The following HIRA variants were observed in gnomAD, a reference collection of about 807,000 sequenced individuals.
HIRA encodes histone cell cycle regulator.
A neutral mutation model predicts 126.6 loss-of-function variants in HIRA; 13 were observed. The ratio of observed to expected loss-of-function variants is 0.10; its 90% CI spans 0.07 to 0.16. The LOEUF (loss-of-function observed/expected upper bound fraction) is 0.16, where lower values mean the gene tolerates loss of function less well. Among genes scored for constraint, HIRA ranks in the 10% least tolerant of loss-of-function variants. The pLI is 1.00. For missense variants in HIRA, 834 were observed against 1,314.4 expected (o/e 0.63, Z 5.65); for synonymous variants, 511 against 520.0 (o/e 0.98, Z 0.24).
At chr22:19,369,039 G>A (rs1390863835) in intron 15 of HIRA, among the ~76,000 whole-genome samples, 1 of 152,162 alleles carries the variant, frequency 6.6e-6, no homozygotes, top group Non-Finnish European at 1.5e-5. Flanking sequence ...CAGGTAAATC[G>A]ATCTACAGCA....
intron 15 of HIRA, among the ~76,000 whole-genome samples, chr22:19,373,147 G>C (rs2088983460): frequency 6.6e-6 from 1 of 152,092 alleles, no homozygotes; most frequent in South Asian, 2.1e-4. Flanking sequence ...GAGTTTTATA[G>C]TTTTTGCTCT....
chr22:19,383,606 G>A lies in HIRA; in HGVS notation c.1415+14C>T, dbSNP rs577023378. On this transcript the variant is annotated intron_variant, in intron 13 of 24. Coordinates refer to ENST00000263208, the MANE Select transcript of HIRA (RefSeq NM_003325.4). ...CTCGCCAGATAAGACCATGAAAGGG[G>A]AATGAACCAGTACCCAGTGTCCAGC... 4.4e-6 allele frequency: 7 copies of A among 1,600,840 alleles called. No homozygotes were observed. In the African/African-American group the frequency reaches 5.3e-5, roughly 12 times the overall value.
intron 15 of HIRA, among the ~76,000 whole-genome samples, chr22:19,368,442 T>A (rs989824427): frequency 3.3e-5 from 5 of 152,138 alleles, no homozygotes; most frequent in South Asian, 4.2e-4. Flanking sequence ...TTTTTTTTTT[T>A]AAATGTCAGA....
intron 24 of HIRA, among the ~76,000 whole-genome samples, chr22:19,334,014 G>T (rs916920323): frequency 6.7e-6 from 1 of 149,654 alleles, no homozygotes; most frequent in African/African-American, 2.5e-5. Flanking sequence ...TCGATCTGTC[G>T]CCCAGGCTGG....
At chr22:19,405,100 T>A (rs1471216825) in intron 5 of HIRA, among the ~76,000 whole-genome samples, 2 of 152,192 alleles carry the variant, frequency 1.3e-5, no homozygotes, top group Non-Finnish European at 2.9e-5. Context: ...CCAGCCTCAC[T>A]TTGTGCTGCT....
At chr22:19,427,861 C>A (rs1038913942) in intron 1 of HIRA, among the ~76,000 whole-genome samples, 11 of 152,154 alleles carry the variant, frequency 7.2e-5, no homozygotes, top group African/African-American at 2.2e-4. Flanking sequence ...AACTTTAAAA[C>A]CAGAAACCTA....
At chr22:19,419,523 C>T (rs546548141) in intron 1 of HIRA, among the ~76,000 whole-genome samples, 18 of 152,322 alleles carry the variant, frequency 1.2e-4, no homozygotes, top group African/African-American at 3.4e-4. Flanking sequence ...CACAACAAAT[C>T]CCCTTAGTCC....
At chr22:19,417,386 G>A (rs192378079) in intron 1 of HIRA, among the ~76,000 whole-genome samples, 77 of 152,060 alleles carry the variant, frequency 5.1e-4, no homozygotes, top group African/African-American at 1.9e-3. Flanking sequence ...CACTTTGAGA[G>A]GCTAAGGTGG....
intron 5 of HIRA, among the ~76,000 whole-genome samples, chr22:19,400,391 AT>A (rs1394401700): frequency 1.3e-5 from 2 of 152,180 alleles, no homozygotes; most frequent in Non-Finnish European, 2.9e-5. Context: ...GGAAGAATCC[AT>A]TTTGATAAGC....
chr22:19,421,093 T>C (rs1211996567), intron 1 of HIRA, among the ~76,000 whole-genome samples: 1 of 150,532 alleles, frequency 6.6e-6, no homozygotes, highest in Non-Finnish European at 1.5e-5. Flanking sequence ...AGGTCAGGAG[T>C]TCAAAACCAG....
At chr22:19,340,202 C>G (rs868976717) in intron 24 of HIRA, among the ~76,000 whole-genome samples, 1 of 152,048 alleles carries the variant, frequency 6.6e-6, no homozygotes, top group African/African-American at 2.4e-5. Context: ...ACCAGGGATA[C>G]AGGGAAGACT....
chr22:19,426,475 G>A (rs1169868341), intron 1 of HIRA, among the ~76,000 whole-genome samples: 5 of 152,134 alleles, frequency 3.3e-5, no homozygotes, highest in East Asian at 1.9e-4. Flanking sequence ...TTCTAGTCAC[G>A]TCAAGGTTCA....
At chr22:19,415,720 T>C (rs1601856665) in intron 1 of HIRA, among the ~76,000 whole-genome samples, 1 of 151,804 alleles carries the variant, frequency 6.6e-6, no homozygotes, top group Non-Finnish European at 1.5e-5. Context: ...ACCCGGGAGG[T>C]GGAGGTTGCA....
chr22:19,351,333 C>A lies in HIRA; in HGVS notation c.2937+25G>T. The A allele has an allele frequency of 6.3e-7, 1 of 1,577,384 alleles. No homozygotes were observed. The highest frequency in any genetic ancestry group is 2.3e-5 in the East Asian group (1 of 44,332). On this transcript the variant is annotated intron_variant, in intron 24 of 24. Transcript: ENST00000263208. The surrounding 1 kb of genome is among the most constrained non-coding windows in gnomAD (Gnocchi z 4.8). ...TTCATGTTTCAAGAAAGAATTCTTG[C>A]AGCAACAATGAAAGAAGCACCTACC...
At chr22:19,377,847 A>G (rs765072679) in intron 14 of HIRA, 22 bp downstream of exon 14, 73 of 1,570,152 alleles carry the variant, frequency 4.6e-5, no homozygotes, top group Non-Finnish European at 6.2e-5. Context: ...AGGGACAGGA[A>G]CAAGCCTTGG....
intron 1 of HIRA, among the ~76,000 whole-genome samples, chr22:19,428,926 G>A (rs1328060113): frequency 6.6e-6 from 1 of 152,134 alleles, no homozygotes; most frequent in African/African-American, 2.4e-5. Flanking sequence ...CGGCTGAGCA[G>A]CCCCTGCTCC....
chr22:19,354,749 T>A (rs1369582141), intron 21 of HIRA, among the ~76,000 whole-genome samples: 1 of 151,776 alleles, frequency 6.6e-6, no homozygotes, highest in African/African-American at 2.4e-5. Flanking sequence ...ATTTTGCAAT[T>A]TGGGGGAGCA....
intron 24 of HIRA, among the ~76,000 whole-genome samples, chr22:19,332,855 A>G (rs782003866): frequency 2.0e-4 from 30 of 152,114 alleles, no homozygotes; most frequent in Non-Finnish European, 4.1e-4. Context: ...TAAAAATTGA[A>G]ATAAATAAAA....
intron 11 of HIRA, among the ~76,000 whole-genome samples, chr22:19,385,995 C>T (rs907690317): frequency 3.3e-5 from 5 of 152,336 alleles, no homozygotes; most frequent in Admixed American, 2.6e-4. Context: ...GCCAACAAGA[C>T]AACACCTGCC....
Sources: gnomAD v4.1 joint callset for allele counts (sites outside exome capture counted in the v4.1 genomes callset) on GRCh38, gnomAD v4.1.1 for gene constraint, Gnocchi (gnomAD v3.1) non-coding constraint, MANE v1.5 for transcripts, NCBI Gene and HGNC (gene_info 2026-07-23, HGNC 2026-07-21) for gene names.